PDE4C: variants seen among roughly 807,000 people sequenced by gnomAD.
PDE4C encodes phosphodiesterase 4C.
Under a neutral mutation model 63.9 loss-of-function variants are expected in PDE4C, and 50 were observed. That is an observed-to-expected ratio of 0.78 (90% CI 0.62 to 0.99). The LOEUF (loss-of-function observed/expected upper bound fraction) is 0.99. Among genes scored for constraint, PDE4C ranks in the 50% least tolerant of loss-of-function variants. PDE4C has a pLI of 0.00. For synonymous variants in PDE4C, 377 were observed against 385.1 expected, an observed-to-expected ratio of 0.98 and a Z score of 0.25; for missense variants, 777 against 899.1, an observed-to-expected ratio of 0.86 and a Z score of 1.74.
chr19:18,230,872 G>A (rs544928573), upstream of PDE4C, among the ~76,000 whole-genome samples: 10 of 152,214 alleles, frequency 6.6e-5, no homozygotes, highest in East Asian at 1.9e-4. Context: ...CCATGGTTGC[G>A]TCTCCAACAC....
chr19:18,255,083 C>A, the PDE4C span: 2 of 393,146 alleles, frequency 5.1e-6, no homozygotes, highest in African/African-American at 4.1e-5. This position sits in a 1 kb window ranked among gnomAD's most constrained non-coding sequence, Gnocchi z 4.6. Flanking sequence ...TGGGGGAAAA[C>A]CCAGCCTTCC....
intron 1 of PDE4C, chr19:18,232,902 G>A: frequency 7.8e-7 from 1 of 1,282,792 alleles, no homozygotes. Flanking sequence ...GCCAGGCCCC[G>A]CGCGCCCCTC....
At position 18,220,025 on chromosome 19, in the gene PDE4C, T is replaced by C. The variant is rs574261360; in HGVS notation, c.706+201A>G. Among the ~76,000 whole-genome samples the C allele has an allele frequency of 6.6e-6, 1 of 152,206 alleles. No individual in the cohort carries two copies. The highest frequency in any genetic ancestry group is 1.5e-5 in the Non-Finnish European group (1 of 68,000). On this transcript the variant is annotated intron_variant, in intron 7 of 14. Transcript: ENST00000262805. The surrounding 1 kb of genome is among the most constrained non-coding windows in gnomAD (Gnocchi z 5.1). ...CTCCTCCTAGGCAAATTTCTACTCATGCTTCAAAACCGTAGCTTTAATGTC... is the reference window on the plus strand; with the variant it reads ...CTCCTCCTAGGCAAATTTCTACTCACGCTTCAAAACCGTAGCTTTAATGTC...
chr19:18,213,534 C>T (rs1249010201), intron 12 of PDE4C, 44 bp from the exon 13 acceptor site: 2 of 1,579,474 alleles, frequency 1.3e-6, no homozygotes, highest in Non-Finnish European at 1.7e-6. Flanking sequence ...GGACCCTGCC[C>T]ACCCCAACCC....
chr19:18,243,192 C>A (rs1489559333), intron 1 of PDE4C, among the ~76,000 whole-genome samples: 13 of 152,108 alleles, frequency 8.5e-5, no homozygotes, highest in Admixed American at 8.5e-4. Context: ...AACCTGCAAC[C>A]TCTGCCTCCC....
At chr19:18,222,322 A>G in exon 2 of PDE4C, 1 of 1,607,346 alleles carries the variant, frequency 6.2e-7, no homozygotes, top group East Asian at 2.2e-5. Context: ...TCCAGGTCAA[A>G]GCTGAAAGGA....
intron 11 of PDE4C, chr19:18,217,149 C>G (rs1335568807): frequency 5.3e-6 from 2 of 377,532 alleles, no homozygotes; most frequent in Admixed American, 8.6e-5. Context: ...ACAGTGAGTA[C>G]TCAGTAATGT....
At chr19:18,213,628 A>G (rs1187615804) in intron 12 of PDE4C, 138 bp from the exon 13 acceptor site, 1 of 991,646 alleles carries the variant, frequency 1.0e-6, no homozygotes, top group African/African-American at 1.6e-5. Context: ...GGAAGGATGC[A>G]ACTGCATTCA....
At chr19:18,242,193 A>G (rs1033703979) in intron 1 of PDE4C, among the ~76,000 whole-genome samples, 2 of 152,096 alleles carry the variant, frequency 1.3e-5, no homozygotes, top group African/African-American at 4.8e-5. Flanking sequence ...GGGAATTGGT[A>G]AGCCAGGCAC....
intron 1 of PDE4C, among the ~76,000 whole-genome samples, chr19:18,243,816 G>T (rs1969084520): frequency 6.6e-6 from 1 of 151,998 alleles, no homozygotes; most frequent in South Asian, 2.1e-4. Flanking sequence ...GGTGTCCTCT[G>T]GTCTCAGCTG....
intron 1 of PDE4C, among the ~76,000 whole-genome samples, chr19:18,247,776 G>T (rs1969156492): frequency 6.6e-6 from 1 of 152,104 alleles, no homozygotes; most frequent in East Asian, 1.9e-4. Context: ...GGGAGCCCAG[G>T]TACGGCCCTG....
At chr19:18,247,794 C>A (rs972705794) in intron 1 of PDE4C, among the ~76,000 whole-genome samples, 4 of 152,140 alleles carry the variant, frequency 2.6e-5, no homozygotes, top group Non-Finnish European at 5.9e-5. Context: ...CTGTGGGACA[C>A]CCCCTAGACA....
chr19:18,216,761 G>T, exon 12 of PDE4C: 1 of 1,612,344 alleles, frequency 6.2e-7, no homozygotes, highest in Non-Finnish European at 8.5e-7. Flanking sequence ...ACCATCCTGC[G>T]CAGACTCAGT....
upstream of PDE4C, among the ~76,000 whole-genome samples, chr19:18,238,451 T>C (rs919296542): frequency 1.3e-5 from 2 of 151,490 alleles, no homozygotes; most frequent in Admixed American, 6.6e-5. Flanking sequence ...TTGGCCAGGC[T>C]GGTCTCGAAC....
chr19:18,220,492 A>C lies in PDE4C; in HGVS notation c.523T>G (p.Leu175Val), dbSNP rs754164808. ...CAGTCCAGCTCGTCTAGCGTCTCCAATGCCAGCTTCTGCCCCGTGTCCTCT... is the reference window on the plus strand; with the variant it reads ...CAGTCCAGCTCGTCTAGCGTCTCCACTGCCAGCTTCTGCCCCGTGTCCTCT... The change falls in exon 6 of 15, where the codon TTG (leucine) becomes GTG (valine). Residue 175 changes from leucine (L) to valine (V), a missense_variant. This residue lies in a region of PDE4C where 249 missense variants were observed against 247.8 expected (regional missense o/e 1.00). Transcript: ENST00000262805. The surrounding 1 kb of genome is among the most constrained non-coding windows in gnomAD (Gnocchi z 5.1). 6 of 1,613,922 alleles carry C rather than the reference A, an allele frequency of 3.7e-6. No homozygotes were observed. The highest frequency in any genetic ancestry group is 5.1e-6 in the Non-Finnish European group (6 of 1,180,000).
In PDE4C at chr19:18,215,726, G is replaced by A. The variant is rs188313563; in HGVS notation, c.1389+1015C>T. On this transcript the variant is annotated intron_variant, in intron 12 of 14. Transcript: ENST00000262805. ...GACAGGGTTTCACCATGTTGGCCAG[G>A]ATGGTCTTGATCTCTTGACCTCATG... Among the ~76,000 whole-genome samples, 108 of 151,980 alleles carry A rather than the reference G, an allele frequency of 7.1e-4. 1 individual carries two copies. In the East Asian group the frequency reaches 0.015, roughly 22 times the overall value.
chr19:18,246,050 A>T (rs796769469), intron 1 of PDE4C, among the ~76,000 whole-genome samples: 8 of 136,540 alleles, frequency 5.9e-5, no homozygotes, highest in African/African-American at 2.3e-4. Context: ...TTACTCTGTC[A>T]TCCAGGCTGG....
chr19:18,228,321 A>T (rs1479254450), upstream of PDE4C, among the ~76,000 whole-genome samples: 4 of 152,212 alleles, frequency 2.6e-5, no homozygotes, highest in Non-Finnish European at 5.9e-5. Flanking sequence ...TGAGTGCTTC[A>T]AAAACATGCA....
At chr19:18,225,999 G>A (rs1287246049) in intron 1 of PDE4C, among the ~76,000 whole-genome samples, 1 of 152,250 alleles carries the variant, frequency 6.6e-6, no homozygotes, top group Non-Finnish European at 1.5e-5. Flanking sequence ...CAGCTGGAAG[G>A]AGACAGACGG....
Sources: gnomAD v4.1 joint callset for allele counts (sites outside exome capture counted in the v4.1 genomes callset) on GRCh38, gnomAD v4.1.1 for gene constraint, gnomAD v4.1.1 regional missense constraint, Gnocchi (gnomAD v3.1) non-coding constraint, MANE v1.5 for transcripts, NCBI Gene and HGNC (gene_info 2026-07-23, HGNC 2026-07-21) for gene names.